Variants in CA10 observed in about 807,000 individuals in gnomAD.
The protein encoded by CA10 is carbonic anhydrase 10 (inactive), also known as carbonic anhydrase-related protein 10.
Under a neutral mutation model 44.2 loss-of-function variants are expected in CA10, and 14 were observed. That is an observed-to-expected ratio of 0.32 (90% confidence interval 0.21 to 0.50). CA10 has a LOEUF of 0.50. Among genes scored for constraint, CA10 ranks in the 20% least tolerant of loss-of-function variants. The pLI is 0.99. For missense variants in CA10, 350 were observed against 409.7 expected (o/e 0.85, Z 1.26); for synonymous variants, 159 against 141.6 (o/e 1.12, Z -0.87).
At chr17:51,897,586 T>C (rs1981126185) in intron 3 of CA10, among the ~76,000 whole-genome samples, 1 of 152,190 alleles carries the variant, frequency 6.6e-6, no homozygotes, top group African/African-American at 2.4e-5. Context: ...AAATGGTTTT[T>C]TCTAATTCTG....
At chr17:51,943,892 A>G (rs1211368697) in intron 2 of CA10, among the ~76,000 whole-genome samples, 1 of 152,198 alleles carries the variant, frequency 6.6e-6, no homozygotes, top group African/African-American at 2.4e-5. Flanking sequence ...TAAAGGGTCA[A>G]TAAGAAAGTA....
At chr17:51,751,539 T>G (rs1444010807) in intron 3 of CA10, among the ~76,000 whole-genome samples, 8 of 152,222 alleles carry the variant, frequency 5.3e-5, no homozygotes, top group Admixed American at 5.2e-4. Flanking sequence ...CTTCCCTTAC[T>G]CTTGGCTATT....
chr17:51,902,132 G>A (rs1164946973), intron 3 of CA10, among the ~76,000 whole-genome samples: 1 of 152,094 alleles, frequency 6.6e-6, no homozygotes, highest in Non-Finnish European at 1.5e-5. Flanking sequence ...AAAATAAACA[G>A]ACGATGTGCA....
intron 3 of CA10, among the ~76,000 whole-genome samples, chr17:51,773,338 G>T (rs932502209): frequency 1.2e-4 from 18 of 152,170 alleles, no homozygotes; most frequent in Non-Finnish European, 2.5e-4. Flanking sequence ...TTGGGACTAG[G>T]ACTAGGGAGA....
chr17:51,840,342 C>A (rs1351473817), intron 3 of CA10, among the ~76,000 whole-genome samples: 1 of 152,166 alleles, frequency 6.6e-6, no homozygotes, highest in African/African-American at 2.4e-5. Context: ...GGATAATTGA[C>A]ATGCATTCAT....
intron 2 of CA10, among the ~76,000 whole-genome samples, chr17:51,978,406 G>C (rs924009024): frequency 1.3e-5 from 2 of 151,730 alleles, no homozygotes; most frequent in Admixed American, 6.6e-5. Flanking sequence ...GTGTGTGTGT[G>C]TGTGTGTCTG....
At chr17:51,806,095 AG>A (rs1198269659) in intron 3 of CA10, among the ~76,000 whole-genome samples, 1 of 152,178 alleles carries the variant, frequency 6.6e-6, no homozygotes, top group Non-Finnish European at 1.5e-5. Flanking sequence ...GAACCTTCAG[AG>A]CTTTGTGGTA....
intron 2 of CA10, among the ~76,000 whole-genome samples, chr17:51,978,222 C>G (rs1984527003): frequency 6.6e-6 from 1 of 151,908 alleles, no homozygotes; most frequent in Non-Finnish European, 1.5e-5. Context: ...CCAGAACAAT[C>G]TAAAGAACAA....
At chr17:51,855,990 G>C (rs1467669138) in intron 3 of CA10, among the ~76,000 whole-genome samples, 1 of 152,138 alleles carries the variant, frequency 6.6e-6, no homozygotes, top group East Asian at 1.9e-4. Context: ...TCAATGGGGG[G>C]CTGAAGGAGC....
rs182149639 is a variant in CA10 at position 51,964,201 on chromosome 17, A to C, written c.137-33069T>G. 5.3e-5 allele frequency among the ~76,000 whole-genome samples: 8 copies of C among 152,260 alleles called. No individual in the cohort carries two copies. The East Asian group carries it at 1.3e-3, about 26-fold the overall frequency. Reference sequence around the variant, plus strand: ...CAAATAATGAAAAAAGGTTCAATTCAACAAGAAGCCTTTACTATCCTAAAT... The same window carrying C: ...CAAATAATGAAAAAAGGTTCAATTCCACAAGAAGCCTTTACTATCCTAAAT... On this transcript the variant is annotated intron_variant, in intron 2 of 8. Coordinates refer to ENST00000451037, the MANE Select transcript of CA10 (RefSeq NM_020178.5).
At chr17:51,881,986 TA>T (rs1980396160) in intron 3 of CA10, among the ~76,000 whole-genome samples, 2 of 150,806 alleles carry the variant, frequency 1.3e-5, no homozygotes, top group Admixed American at 1.3e-4. Context: ...ATATGATTTG[TA>T]ATAGTAAAAA....
In CA10 at chr17:51,642,251, C is replaced by T. The variant is rs529225880; in HGVS notation, c.635-6242G>A. Among the ~76,000 whole-genome samples, 8 of 152,098 alleles carry T rather than the reference C, an allele frequency of 5.3e-5. No individual in the cohort carries two copies. In the East Asian group the frequency reaches 5.8e-4, roughly 11 times the overall value. The stretch of plus-strand genomic sequence containing the variant: ...CATTCTGTGAAAGCATTTCCAAAGC[C>T]GTTCCTTTGAAATGAAAGTACAAGT... On this transcript the variant is annotated intron_variant, in intron 6 of 8. Coordinates refer to ENST00000451037, the MANE Select transcript of CA10 (RefSeq NM_020178.5).
At chr17:51,864,169 T>C (rs1026367245) in intron 3 of CA10, among the ~76,000 whole-genome samples, 1 of 152,160 alleles carries the variant, frequency 6.6e-6, no homozygotes, top group African/African-American at 2.4e-5. Flanking sequence ...GGGTCCACCA[T>C]GGAAAACAGA....
At chr17:51,747,877 CCCAGCATGGTGCTTGGATCAACA>C (rs1904758412) in intron 3 of CA10, 59 bp from the exon 4 acceptor site, 1 of 1,327,998 alleles carries the variant, frequency 7.5e-7, no homozygotes, top group African/African-American at 1.5e-5. Context: ...CCTCCCCAAA[CCCAGCATGGTGCTTGGATCAACA>C]CCTTTTGCTT....
chr17:51,658,533 C>G (rs1328560507), intron 4 of CA10, among the ~76,000 whole-genome samples: 2 of 152,030 alleles, frequency 1.3e-5, no homozygotes, highest in Non-Finnish European at 2.9e-5. Flanking sequence ...ATGGGAAGAT[C>G]AGAGGGAAGC....
intron 1 of CA10, among the ~76,000 whole-genome samples, chr17:52,096,998 T>C (rs1988417952): frequency 6.6e-6 from 1 of 152,214 alleles, no homozygotes; most frequent in African/African-American, 2.4e-5. Context: ...GTCCATTTGC[T>C]TACAAATAAA....
intron 3 of CA10, among the ~76,000 whole-genome samples, chr17:51,811,363 A>C (rs945809316): frequency 4.6e-5 from 7 of 152,148 alleles, no homozygotes; most frequent in Non-Finnish European, 4.4e-5. Flanking sequence ...ATAGGTATAC[A>C]TGTGTCATGT....
intron 3 of CA10, among the ~76,000 whole-genome samples, chr17:51,769,275 C>T (rs1401557719): frequency 3.3e-5 from 5 of 152,244 alleles, no homozygotes; most frequent in Non-Finnish European, 4.4e-5. Flanking sequence ...GGGTCACTCA[C>T]CCAGCATTTC....
At chr17:51,746,985 G>C (rs747534316) in intron 4 of CA10, among the ~76,000 whole-genome samples, 3 of 152,128 alleles carry the variant, frequency 2.0e-5, no homozygotes, top group South Asian at 2.1e-4. Flanking sequence ...GTATAACGGG[G>C]GTAAAACAGA....
Sources: allele counts gnomAD v4.1 joint callset (sites outside exome capture counted in the v4.1 genomes callset), GRCh38; gene constraint gnomAD v4.1.1; transcripts MANE v1.5; gene names NCBI Gene and HGNC (gene_info 2026-07-23, HGNC 2026-07-21).